Variants in UST observed in about 807,000 individuals in gnomAD.
UST encodes the protein uronyl 2-sulfotransferase, also known as chondroitin sulfate 2-O-sulfotransferase.
UST carries 21 observed loss-of-function variants against 45.6 expected under a neutral mutation model. The ratio of observed to expected loss-of-function variants is 0.46; its 90% CI spans 0.33 to 0.66. The LOEUF (loss-of-function observed/expected upper bound fraction) is 0.66. Ranked by LOEUF, UST falls within the 30% of genes least tolerant of loss-of-function variation. The probability of loss-of-function intolerance (pLI) is 0.02; values close to 1 mark genes in which losing one functional copy is unlikely to be tolerated. For synonymous variants in UST, 215 were observed against 200.6 expected (o/e 1.07, Z -0.61); for missense variants, 463 against 512.4 (o/e 0.90, Z 0.93).
intron 2 of UST, among the ~76,000 whole-genome samples, chr6:148,935,736 T>A (rs17080191): frequency 0.023 from 3,502 of 152,314 alleles, 44 homozygotes; most frequent in Non-Finnish European, 0.027. Flanking sequence ...CCGCCTGTGA[T>A]ATATCAGGGG....
chr6:149,005,731 G>T (rs1364403601), intron 5 of UST: 1 of 637,942 alleles, frequency 1.6e-6, no homozygotes, highest in African/African-American at 2.0e-5. Flanking sequence ...TCTTCTGTGT[G>T]CATTAATTTA....
chr6:148,756,621 A>G (rs1776104113), intron 1 of UST, among the ~76,000 whole-genome samples: 1 of 152,236 alleles, frequency 6.6e-6, no homozygotes, highest in Non-Finnish European at 1.5e-5. Context: ...GGAAGGTACA[A>G]TTCCAATTAG....
chr6:148,956,410 T>A lies in UST; in HGVS notation c.527+2459T>A, dbSNP rs41288425. Among the ~76,000 whole-genome samples the A allele has an allele frequency of 8.8e-3, 1,335 of 152,136 alleles. 7 individuals carry two copies. The highest frequency in any genetic ancestry group is 0.014 in the Admixed American group (213 of 15,284). ...AATGAGGAAGATGCAAAAGCGGAAA[T>A]CCCTGATAAAACCATCATATCTTGT... On this transcript the variant is annotated intron_variant, in intron 4 of 7. Transcript: ENST00000367463.
At chr6:149,066,128 AG>A (rs1026467640) in intron 7 of UST, 2 of 152,418 alleles carry the variant, frequency 1.3e-5, no homozygotes, top group African/African-American at 4.8e-5. Flanking sequence ...TTGCAGATGC[AG>A]GGGTTTCAAA....
intron 5 of UST, among the ~76,000 whole-genome samples, chr6:148,968,047 G>T (rs900313): frequency 0.7 from 106,328 of 152,000 alleles, 37,422 homozygotes; most frequent in Non-Finnish European, 0.75. Flanking sequence ...TCGGGGTGGG[G>T]TAAAGTCCCT....
chr6:148,875,258 G>A (rs1261230495), intron 1 of UST, among the ~76,000 whole-genome samples: 1 of 152,190 alleles, frequency 6.6e-6, no homozygotes, highest in African/African-American at 2.4e-5. Context: ...ATCTGCTAAT[G>A]CAAGGCTTCA....
intron 2 of UST, among the ~76,000 whole-genome samples, chr6:148,922,729 T>A (rs1365274069): frequency 2.0e-5 from 3 of 151,760 alleles, no homozygotes; most frequent in African/African-American, 4.8e-5. Flanking sequence ...CGCCTCGGCC[T>A]CCCAAATTGC....
chr6:148,974,605 C>T (rs1444788359), intron 5 of UST, among the ~76,000 whole-genome samples: 1 of 152,182 alleles, frequency 6.6e-6, no homozygotes, highest in African/African-American at 2.4e-5. Context: ...ATCACACAGC[C>T]TCTAGAACAA....
At chr6:148,789,595 G>A (rs1225145509) in intron 1 of UST, among the ~76,000 whole-genome samples, 1 of 151,976 alleles carries the variant, frequency 6.6e-6, no homozygotes, top group Non-Finnish European at 1.5e-5. Flanking sequence ...TGTCACCCAG[G>A]CTGGAGTGCA....
At chr6:148,779,494 G>A (rs1776597504) in intron 1 of UST, among the ~76,000 whole-genome samples, 1 of 152,218 alleles carries the variant, frequency 6.6e-6, no homozygotes, top group South Asian at 2.1e-4. Flanking sequence ...GACATCTGGA[G>A]GAATGAGCAG....
intron 2 of UST, among the ~76,000 whole-genome samples, chr6:148,918,711 G>A (rs75180518): frequency 0.033 from 4,968 of 152,282 alleles, 281 homozygotes; most frequent in African/African-American, 0.11. Flanking sequence ...TGTCAGAGGT[G>A]CAGCGGTAAC....
chr6:148,974,071 A>G (rs1780971603), intron 5 of UST, among the ~76,000 whole-genome samples: 1 of 152,208 alleles, frequency 6.6e-6, no homozygotes, highest in Non-Finnish European at 1.5e-5. Context: ...ACTTTTGACT[A>G]TAAGGAGGAT....
intron 7 of UST, among the ~76,000 whole-genome samples, chr6:149,072,420 G>A (rs923049731): frequency 2.6e-5 from 4 of 152,132 alleles, no homozygotes; most frequent in East Asian, 1.9e-4. Flanking sequence ...TTGGGAGGCC[G>A]AGGCAGGTGG....
intron 7 of UST, among the ~76,000 whole-genome samples, chr6:149,037,997 G>C (rs1158173715): frequency 6.6e-6 from 1 of 152,158 alleles, no homozygotes; most frequent in Non-Finnish European, 1.5e-5. Context: ...TGGCTTCAAA[G>C]CTCAAACATG....
intron 5 of UST, among the ~76,000 whole-genome samples, chr6:148,972,753 G>A (rs1399629982): frequency 1.3e-5 from 2 of 152,266 alleles, no homozygotes; most frequent in Admixed American, 6.5e-5. Flanking sequence ...TGGGGCAGGT[G>A]GCTAACATTT....
chr6:149,034,510 T>C (rs59917665), intron 7 of UST, among the ~76,000 whole-genome samples: 4,528 of 35,512 alleles, frequency 0.13, 241 homozygotes, highest in African/African-American at 0.32. Flanking sequence ...CTTTAAGCTC[T>C]ATCCCAGCCT....
At chr6:148,994,000 C>CA (rs1781403453) in intron 5 of UST, among the ~76,000 whole-genome samples, 1 of 120,352 alleles carries the variant, frequency 8.3e-6, no homozygotes, top group African/African-American at 3.3e-5. Flanking sequence ...GACAGAATCT[C>CA]ACTCTGTCAC....
chr6:148,788,300 T>A (rs947570314), intron 1 of UST, among the ~76,000 whole-genome samples: 2 of 152,116 alleles, frequency 1.3e-5, no homozygotes, highest in African/African-American at 4.8e-5. Context: ...AGATGAGATT[T>A]GGGTGAGGAC....
At chr6:149,065,842 A>G (rs1273447075) in intron 7 of UST, among the ~76,000 whole-genome samples, 1 of 152,218 alleles carries the variant, frequency 6.6e-6, no homozygotes, top group East Asian at 1.9e-4. Flanking sequence ...TGGCAATGTC[A>G]TTAACCTTAT....
Sources: gnomAD v4.1 joint callset for allele counts (sites outside exome capture counted in the v4.1 genomes callset) on GRCh38, gnomAD v4.1.1 for gene constraint, MANE v1.5 for transcripts, NCBI Gene and HGNC (gene_info 2026-07-23, HGNC 2026-07-21) for gene names.